The following PDZRN3 variants were observed in gnomAD, a reference collection of about 807,000 sequenced individuals.
The protein encoded by PDZRN3 is E3 ubiquitin-protein ligase PDZRN3.
A neutral mutation model predicts 85.7 loss-of-function variants in PDZRN3; 38 were observed. The ratio of observed to expected loss-of-function variants is 0.44; its 90% CI spans 0.34 to 0.58. The LOEUF (loss-of-function observed/expected upper bound fraction) is 0.58. Among genes scored for constraint, PDZRN3 ranks in the 20% least tolerant of loss-of-function variants. PDZRN3 has a pLI of 0.01. For missense variants in PDZRN3, 1,629 were observed against 1,506.4 expected (o/e 1.08, Z -1.35); for synonymous variants, 759 against 638.0 (o/e 1.19, Z -2.86).
intron 3 of PDZRN3, among the ~76,000 whole-genome samples, chr3:73,478,803 G>T (rs1703507018): frequency 6.6e-6 from 1 of 152,188 alleles, no homozygotes. Flanking sequence ...GAACCATGTT[G>T]CTTTTTTCTT....
intron 3 of PDZRN3, among the ~76,000 whole-genome samples, chr3:73,532,252 C>G (rs1414148655): frequency 6.6e-6 from 1 of 152,102 alleles, no homozygotes; most frequent in South Asian, 2.1e-4. Flanking sequence ...CCACCCACCT[C>G]GGCCTCCCAA....
intron 3 of PDZRN3, among the ~76,000 whole-genome samples, chr3:73,465,353 A>T (rs1271671616): frequency 6.6e-6 from 1 of 152,168 alleles, no homozygotes; most frequent in African/African-American, 2.4e-5. Context: ...TAAATCAATT[A>T]ACTTCTTTCT....
At chr3:73,556,049 T>C (rs1701688385) in intron 3 of PDZRN3, among the ~76,000 whole-genome samples, 1 of 152,212 alleles carries the variant, frequency 6.6e-6, no homozygotes, top group Non-Finnish European at 1.5e-5. Flanking sequence ...CCCAATTTTC[T>C]TTCCTCAATT....
At chr3:73,438,149 T>C (rs1702565627) in intron 3 of PDZRN3, among the ~76,000 whole-genome samples, 1 of 152,084 alleles carries the variant, frequency 6.6e-6, no homozygotes, top group Non-Finnish European at 1.5e-5. Context: ...CCTGCCTTCA[T>C]GGAAATTAAA....
At chr3:73,533,761 TA>T (rs1242901458) in intron 3 of PDZRN3, among the ~76,000 whole-genome samples, 2 of 152,154 alleles carry the variant, frequency 1.3e-5, no homozygotes, top group African/African-American at 4.8e-5. Flanking sequence ...AAATCAGCTA[TA>T]GGTGTGTTAC....
At chr3:73,432,933 A>T (rs913322018) in intron 3 of PDZRN3, among the ~76,000 whole-genome samples, 4 of 152,220 alleles carry the variant, frequency 2.6e-5, no homozygotes, top group Non-Finnish European at 4.4e-5. Flanking sequence ...GGACTTGAAT[A>T]TTTAAAAATA....
At chr3:73,573,195 A>G (rs917897647) in intron 3 of PDZRN3, among the ~76,000 whole-genome samples, 1 of 152,216 alleles carries the variant, frequency 6.6e-6, no homozygotes, top group Non-Finnish European at 1.5e-5. Flanking sequence ...AGGACCCCAG[A>G]GCAGATCAAC....
chr3:73,503,567 A>G (rs1473755991), intron 3 of PDZRN3, among the ~76,000 whole-genome samples: 2 of 152,250 alleles, frequency 1.3e-5, no homozygotes, highest in Admixed American at 6.5e-5. Flanking sequence ...TGAACAATAA[A>G]AAATTCTTCT....
At chr3:73,548,051 T>C (rs776698490) in intron 3 of PDZRN3, among the ~76,000 whole-genome samples, 1 of 152,112 alleles carries the variant, frequency 6.6e-6, no homozygotes, top group Non-Finnish European at 1.5e-5. Context: ...GAGTGCTTGC[T>C]GAGATAAGTC....
intron 3 of PDZRN3, among the ~76,000 whole-genome samples, chr3:73,407,466 C>T (rs1344974707): frequency 3.3e-5 from 5 of 152,142 alleles, no homozygotes; most frequent in Non-Finnish European, 5.9e-5. Flanking sequence ...TACTTTAGGT[C>T]ATTTGACTTG....
intron 3 of PDZRN3, among the ~76,000 whole-genome samples, chr3:73,473,735 C>G (rs1703394123): frequency 1.3e-5 from 2 of 152,104 alleles, no homozygotes; most frequent in South Asian, 4.1e-4. Flanking sequence ...AGGAGCAGAC[C>G]CACGTGGTGA....
At chr3:73,562,148 G>C (rs1031129642) in intron 3 of PDZRN3, among the ~76,000 whole-genome samples, 1 of 152,240 alleles carries the variant, frequency 6.6e-6, no homozygotes, top group East Asian at 1.9e-4. Flanking sequence ...AGAGATGTAT[G>C]AACTGATATC....
At chr3:73,415,662 C>T (rs1047008138) in intron 3 of PDZRN3, among the ~76,000 whole-genome samples, 4 of 152,032 alleles carry the variant, frequency 2.6e-5, no homozygotes, top group South Asian at 2.1e-4. Flanking sequence ...TTTATTATTG[C>T]GTTTAATGAT....
At chr3:73,387,529 T>C (rs1189542648) in intron 8 of PDZRN3, among the ~76,000 whole-genome samples, 5 of 152,188 alleles carry the variant, frequency 3.3e-5, no homozygotes, top group African/African-American at 1.2e-4. Context: ...ACTTATTCGG[T>C]GGTCATATCA....
intron 3 of PDZRN3, among the ~76,000 whole-genome samples, chr3:73,515,173 CTTTTTTTTTT>C: frequency 1.7e-5 from 1 of 58,090 alleles, no homozygotes; most frequent in South Asian, 8.6e-4. Flanking sequence ...ACAATCAGCC[CTTTTTTTTTT>C]TTTTTTTTTT....
At chr3:73,464,289 G>T (rs1173441266) in intron 3 of PDZRN3, among the ~76,000 whole-genome samples, 4 of 152,032 alleles carry the variant, frequency 2.6e-5, no homozygotes, top group Non-Finnish European at 5.9e-5. Flanking sequence ...CTGGCCCTGT[G>T]TATTCTTTAT....
chr3:73,497,816 C>CT (rs61420531), intron 3 of PDZRN3, among the ~76,000 whole-genome samples: 5 of 151,898 alleles, frequency 3.3e-5, no homozygotes, highest in African/African-American at 1.2e-4. Flanking sequence ...TCCCCGCCCC[C>CT]GCCAACAGCT....
chr3:73,556,709 G>A (rs933384014), intron 3 of PDZRN3: 1 of 152,262 alleles, frequency 6.6e-6, no homozygotes, highest in African/African-American at 2.4e-5. Flanking sequence ...CCTGAAGAAT[G>A]ACATCTGAGC....
chr3:73,403,938 G>A (rs1701802785), intron 4 of PDZRN3, among the ~76,000 whole-genome samples: 1 of 152,178 alleles, frequency 6.6e-6, no homozygotes, highest in East Asian at 1.9e-4. Flanking sequence ...ATTTGAATAA[G>A]TCCGCTCCAG....
Sources: allele counts gnomAD v4.1 joint callset (sites outside exome capture counted in the v4.1 genomes callset), GRCh38; gene constraint gnomAD v4.1.1; transcripts MANE v1.5; gene names NCBI Gene and HGNC (gene_info 2026-07-23, HGNC 2026-07-21).